The following EYA1 variants were observed in gnomAD, a reference collection of about 807,000 sequenced individuals.
EYA1 encodes the protein EYA transcriptional coactivator and phosphatase 1, also known as protein phosphatase EYA1.
Under a neutral mutation model 82.0 loss-of-function variants are expected in EYA1, and 16 were observed. The ratio of observed to expected loss-of-function variants is 0.20; its 90% CI spans 0.13 to 0.30. The LOEUF (loss-of-function observed/expected upper bound fraction) is 0.30, where lower values mean the gene tolerates loss of function less well. EYA1 is among the 10% of genes least tolerant of loss of function. The pLI is 1.00. For missense variants in EYA1, 633 were observed against 730.7 expected (o/e 0.87, Z 1.54); for synonymous variants, 261 against 264.4 (o/e 0.99, Z 0.12).
intron 11 of EYA1, among the ~76,000 whole-genome samples, chr8:71,258,045 G>A (rs2128927109): frequency 6.6e-6 from 1 of 152,098 alleles, no homozygotes; most frequent in South Asian, 2.1e-4. Context: ...TTATTTCTTT[G>A]GAGATTCTGC....
chr8:71,537,802 A>G (rs1277207596), intron 1 of EYA1, among the ~76,000 whole-genome samples: 1 of 152,150 alleles, frequency 6.6e-6, no homozygotes, highest in Admixed American at 6.5e-5. Flanking sequence ...AACTTACTGA[A>G]CAGTTTAAGG....
intron 2 of EYA1, among the ~76,000 whole-genome samples, chr8:71,520,221 C>A (rs1479246745): frequency 6.6e-6 from 1 of 151,810 alleles, no homozygotes; most frequent in Non-Finnish European, 1.5e-5. Flanking sequence ...TGGCCCCCCC[C>A]TCCACTGAGG....
At chr8:71,504,305 C>T (rs1177353680) in intron 2 of EYA1, among the ~76,000 whole-genome samples, 1 of 152,118 alleles carries the variant, frequency 6.6e-6, no homozygotes, top group Admixed American at 6.6e-5. Context: ...TTACTCAAGT[C>T]AGTAAGAAAA....
intron 3 of EYA1, among the ~76,000 whole-genome samples, chr8:71,335,661 GA>G (rs1824399774): frequency 6.6e-6 from 1 of 152,050 alleles, no homozygotes; most frequent in South Asian, 2.1e-4. Flanking sequence ...CCCTCTCCAT[GA>G]CACCAGACAA....
chr8:71,217,495 T>C (rs547202387), intron 12 of EYA1, among the ~76,000 whole-genome samples: 1 of 152,282 alleles, frequency 6.6e-6, no homozygotes, highest in East Asian at 1.9e-4. Flanking sequence ...CTGAGGCCAG[T>C]GTGTTGAGGA....
intron 13 of EYA1, 21 bp from the exon 14 acceptor site, chr8:71,216,873 C>G (rs757870599): frequency 1.2e-6 from 2 of 1,613,828 alleles, no homozygotes; most frequent in East Asian, 2.2e-5. Context: ...GCAAGAAAAG[C>G]CCAAAGTTAG....
chr8:71,319,319 A>C (rs975608293), intron 6 of EYA1, among the ~76,000 whole-genome samples: 3 of 151,710 alleles, frequency 2.0e-5, no homozygotes, highest in Non-Finnish European at 2.9e-5. Context: ...TTTAGTAGAG[A>C]CGGCGTTTCA....
chr8:71,287,618 T>C (rs766577163), intron 9 of EYA1, among the ~76,000 whole-genome samples: 11 of 152,230 alleles, frequency 7.2e-5, no homozygotes, highest in Non-Finnish European at 1.5e-4. Context: ...CCCACAGTCA[T>C]TCTACATGAA....
At chr8:71,287,324 T>C (rs1449139188) in intron 9 of EYA1, among the ~76,000 whole-genome samples, 1 of 152,224 alleles carries the variant, frequency 6.6e-6, no homozygotes, top group Non-Finnish European at 1.5e-5. Flanking sequence ...ACTAGCCTTA[T>C]AGGGATAACC....
chr8:71,419,235 A>G (rs1316654488), intron 2 of EYA1, among the ~76,000 whole-genome samples: 1 of 152,232 alleles, frequency 6.6e-6, no homozygotes, highest in Non-Finnish European at 1.5e-5. Context: ...AGGGAACCAA[A>G]TAAGGAACTA....
chr8:71,260,051 A>G (rs577717986), intron 11 of EYA1, among the ~76,000 whole-genome samples: 3 of 152,332 alleles, frequency 2.0e-5, no homozygotes, highest in Admixed American at 1.3e-4. Flanking sequence ...CTTTATTGCT[A>G]GATACACCTG....
chr8:71,356,139 T>C (rs1185395161), intron 2 of EYA1, among the ~76,000 whole-genome samples: 1 of 152,198 alleles, frequency 6.6e-6, no homozygotes, highest in African/African-American at 2.4e-5. Context: ...ATTTTACTTC[T>C]AAAGTGAGCT....
intron 9 of EYA1, among the ~76,000 whole-genome samples, chr8:71,295,460 T>G (rs1819494847): frequency 6.6e-6 from 1 of 152,062 alleles, no homozygotes; most frequent in African/African-American, 2.4e-5. Context: ...AGATGGCAAA[T>G]AAGCATATGA....
upstream of EYA1, among the ~76,000 whole-genome samples, chr8:71,366,050 C>A (rs1260297619): frequency 6.6e-6 from 1 of 152,104 alleles, no homozygotes; most frequent in Non-Finnish European, 1.5e-5. Flanking sequence ...TATTTCCTGA[C>A]TTCCTAAAGA....
chr8:71,252,926 T>C lies in EYA1; in HGVS notation c.1051-8234A>G, dbSNP rs529900200. Among the ~76,000 whole-genome samples, 3 of 152,248 alleles carry C rather than the reference T, an allele frequency of 2.0e-5. No individual in the cohort carries two copies. In the South Asian group the frequency reaches 6.2e-4, roughly 32 times the overall value. On this transcript the variant is annotated intron_variant, in intron 11 of 17. Coordinates refer to ENST00000340726, the MANE Select transcript of EYA1 (RefSeq NM_000503.6). ...CAAATCCAATCAATTAACAAATGAC[T>C]GGGGGGAATAGGTCTTGGCAACATC... is the stretch of plus-strand genomic sequence containing the variant.
At chr8:71,262,897 A>G (rs1291925702) in intron 11 of EYA1, among the ~76,000 whole-genome samples, 1 of 152,190 alleles carries the variant, frequency 6.6e-6, no homozygotes, top group Non-Finnish European at 1.5e-5. Flanking sequence ...ATATATAGAC[A>G]CATATATTAT....
chr8:71,371,628 T>C (rs536960309), intron 2 of EYA1, among the ~76,000 whole-genome samples: 22 of 152,168 alleles, frequency 1.4e-4, no homozygotes, highest in African/African-American at 5.1e-4. Flanking sequence ...GAGGAAAGCT[T>C]CTCGAGAAAT....
At chr8:71,222,163 T>C (rs947843034) in intron 12 of EYA1, among the ~76,000 whole-genome samples, 2 of 152,188 alleles carry the variant, frequency 1.3e-5, no homozygotes, top group African/African-American at 4.8e-5. Context: ...CCAGTTGAAT[T>C]CTTTCTTCTG....
chr8:71,357,099 T>C (rs909880109), intron 1 of EYA1, among the ~76,000 whole-genome samples: 2 of 152,208 alleles, frequency 1.3e-5, no homozygotes, highest in African/African-American at 4.8e-5. Context: ...GGACTAACTA[T>C]ATAAGGCAAA....
Sources: gnomAD v4.1 joint callset for allele counts (sites outside exome capture counted in the v4.1 genomes callset) on GRCh38, gnomAD v4.1.1 for gene constraint, MANE v1.5 for transcripts, NCBI Gene and HGNC (gene_info 2026-07-23, HGNC 2026-07-21) for gene names.